NKAIN3: variants seen among roughly 807,000 people sequenced by gnomAD.
NKAIN3 encodes the protein sodium/potassium transporting ATPase interacting 3.
A neutral mutation model predicts 30.2 loss-of-function variants in NKAIN3; 25 were observed. That is an observed-to-expected ratio of 0.83 (90% CI 0.60 to 1.16). The LOEUF (loss-of-function observed/expected upper bound fraction) is 1.16, where lower values mean the gene tolerates loss of function less well. Ranked by LOEUF, NKAIN3 falls within the 50% of genes most tolerant of loss-of-function variation. NKAIN3 has a pLI of 0.00. For synonymous variants in NKAIN3, 91 were observed against 89.6 expected (o/e 1.02, Z -0.09); for missense variants, 225 against 254.1 (o/e 0.89, Z 0.78).
chr8:62,763,929 T>G (rs555734384), intron 4 of NKAIN3, among the ~76,000 whole-genome samples: 15 of 151,954 alleles, frequency 9.9e-5, no homozygotes, highest in Non-Finnish European at 1.8e-4. Flanking sequence ...GAAGGAGAAG[T>G]TTATTGAGGG....
intron 1 of NKAIN3, among the ~76,000 whole-genome samples, chr8:62,532,036 A>G (rs1808505455): frequency 6.6e-6 from 1 of 152,168 alleles, no homozygotes; most frequent in African/African-American, 2.4e-5. Context: ...ATCTCTTTGG[A>G]AGCACCCAAC....
chr8:62,572,811 A>G (rs1317745804), intron 1 of NKAIN3, among the ~76,000 whole-genome samples: 1 of 152,190 alleles, frequency 6.6e-6, no homozygotes, highest in East Asian at 1.9e-4. Context: ...ATCTCCCACT[A>G]GGTTCCTCCA....
chr8:62,506,222 G>A (rs1466635260), intron 1 of NKAIN3, among the ~76,000 whole-genome samples: 2 of 74,926 alleles, frequency 2.7e-5, no homozygotes, highest in African/African-American at 4.2e-5. Context: ...ATCCATATGA[G>A]AATATTGGGG....
chr8:62,655,539 AT>A (rs1036875477), intron 3 of NKAIN3, among the ~76,000 whole-genome samples: 4 of 150,790 alleles, frequency 2.7e-5, no homozygotes, highest in African/African-American at 9.7e-5. Flanking sequence ...ATATATCCAT[AT>A]AAAAAACAGG....
intron 1 of NKAIN3, among the ~76,000 whole-genome samples, chr8:62,408,307 A>G (rs1804139326): frequency 6.6e-6 from 1 of 152,126 alleles, no homozygotes; most frequent in African/African-American, 2.4e-5. Context: ...AAATTTATAC[A>G]TCCATCTAGG....
chr8:62,910,230 A>G (rs573506610), intron 4 of NKAIN3, among the ~76,000 whole-genome samples: 1 of 152,298 alleles, frequency 6.6e-6, no homozygotes, highest in South Asian at 2.1e-4. Context: ...ATAATAATCC[A>G]TGGTCTTAAA....
chr8:62,428,076 T>G (rs964247139), intron 1 of NKAIN3, among the ~76,000 whole-genome samples: 2 of 151,924 alleles, frequency 1.3e-5, no homozygotes, highest in Admixed American at 6.6e-5. Context: ...CTTCTACGTG[T>G]GCATGAGAAA....
intron 4 of NKAIN3, chr8:62,863,550 C>G: frequency 8.2e-7 from 1 of 1,215,868 alleles, no homozygotes; most frequent in Non-Finnish European, 1.2e-6. Flanking sequence ...AGATGGTGGC[C>G]AAGTACTCCC....
intron 3 of NKAIN3, among the ~76,000 whole-genome samples, chr8:62,705,738 T>C (rs1192099702): frequency 1.3e-5 from 2 of 152,166 alleles, no homozygotes; most frequent in Admixed American, 1.3e-4. Context: ...GCACTTATGT[T>C]TCTGATATTG....
intron 5 of NKAIN3, among the ~76,000 whole-genome samples, chr8:62,922,048 G>A (rs1172045146): frequency 3.3e-5 from 5 of 152,170 alleles, no homozygotes; most frequent in Non-Finnish European, 5.9e-5. Context: ...GTTGAATGAT[G>A]AGAGACAAAA....
chr8:62,493,399 C>A (rs1428261386), intron 1 of NKAIN3, among the ~76,000 whole-genome samples: 3 of 152,052 alleles, frequency 2.0e-5, no homozygotes, highest in African/African-American at 4.8e-5. Context: ...GTTTTTATAC[C>A]AGTACCATGT....
rs141515121 is a variant in NKAIN3 at position 62,660,077 on chromosome 8, G to A, written c.273+70283G>A. Among the ~76,000 whole-genome samples the A allele has an allele frequency of 4.4e-3, 668 of 152,212 alleles. 7 individuals are homozygous for A. The highest frequency in any genetic ancestry group is 0.015 in the African/African-American group (628 of 41,524). On this transcript the variant is annotated intron_variant, in intron 3 of 6. Coordinates refer to ENST00000623646, the MANE Select transcript of NKAIN3 (RefSeq NM_001304533.3). ...ATATACTTGGTGAATGCCTCAGGGG[G>A]AGGTCTGCCTGCTTATCTGACCTAG...
At chr8:62,291,324 G>A (rs531491907) in intron 1 of NKAIN3, among the ~76,000 whole-genome samples, 1 of 152,234 alleles carries the variant, frequency 6.6e-6, no homozygotes, top group Non-Finnish European at 1.5e-5. Context: ...TTTCAATTGT[G>A]ATGTTAGGGT....
intron 1 of NKAIN3, among the ~76,000 whole-genome samples, chr8:62,412,155 C>A (rs1223668753): frequency 6.6e-6 from 1 of 152,068 alleles, no homozygotes; most frequent in Non-Finnish European, 1.5e-5. Context: ...TCACACTAAC[C>A]AAATTCAAAC....
chr8:62,882,129 T>C (rs1004174869), intron 4 of NKAIN3, among the ~76,000 whole-genome samples: 1 of 152,214 alleles, frequency 6.6e-6, no homozygotes, highest in Non-Finnish European at 1.5e-5. Flanking sequence ...TTAAGAGTTA[T>C]TTGTATATTT....
chr8:62,343,922 G>A (rs1186355969), intron 1 of NKAIN3, among the ~76,000 whole-genome samples: 5 of 152,046 alleles, frequency 3.3e-5, no homozygotes, highest in African/African-American at 1.2e-4. Flanking sequence ...GGATGAATAA[G>A]GTTGTTATAT....
chr8:62,855,659 T>G, intron 4 of NKAIN3: 1 of 1,604,230 alleles, frequency 6.2e-7, no homozygotes, highest in South Asian at 1.1e-5. Flanking sequence ...CCTGAAGTGC[T>G]GCTGCAGCCC....
At chr8:62,304,965 A>G (rs1277932819) in intron 1 of NKAIN3, among the ~76,000 whole-genome samples, 1 of 150,554 alleles carries the variant, frequency 6.6e-6, no homozygotes, top group African/African-American at 2.5e-5. Flanking sequence ...TCTCAGTTCT[A>G]GGCCTCATTA....
chr8:62,738,774 G>C (rs191411472), intron 3 of NKAIN3, among the ~76,000 whole-genome samples: 49 of 152,136 alleles, frequency 3.2e-4, no homozygotes, highest in African/African-American at 1.2e-3. Context: ...CATTCTGTAG[G>C]TTGCCTATTC....
Sources: allele counts gnomAD v4.1 joint callset (sites outside exome capture counted in the v4.1 genomes callset), GRCh38; gene constraint gnomAD v4.1.1; transcripts MANE v1.5; gene names NCBI Gene and HGNC (gene_info 2026-07-23, HGNC 2026-07-21).